The following ERBB4 variants were observed in gnomAD, a reference collection of about 807,000 sequenced individuals.
ERBB4 encodes receptor tyrosine-protein kinase erbB-4.
A neutral mutation model predicts 158.0 loss-of-function variants in ERBB4; 42 were observed. That is an observed-to-expected ratio of 0.27 (90% CI 0.21 to 0.34). The LOEUF is 0.34. Among genes scored for constraint, ERBB4 ranks in the 10% least tolerant of loss-of-function variants. ERBB4 has a pLI of 1.00. For missense variants in ERBB4, 1,333 were observed against 1,624.1 expected (o/e 0.82, Z 3.08); for synonymous variants, 583 against 558.7 (o/e 1.04, Z -0.61).
intron 1 of ERBB4, among the ~76,000 whole-genome samples, chr2:212,392,981 G>T (rs2090922172): frequency 1.3e-5 from 2 of 151,918 alleles, no homozygotes; most frequent in African/African-American, 4.8e-5. Flanking sequence ...AGGTCTTCTA[G>T]GACTGACAGA....
chr2:211,802,790 T>C (rs1024509478), intron 3 of ERBB4, among the ~76,000 whole-genome samples: 8 of 152,124 alleles, frequency 5.3e-5, no homozygotes, highest in African/African-American at 1.9e-4. Flanking sequence ...CAGGTGTAAT[T>C]AATTAGCTAA....
chr2:211,463,733 G>C (rs182834447), intron 20 of ERBB4, among the ~76,000 whole-genome samples: 29 of 152,176 alleles, frequency 1.9e-4, no homozygotes, highest in Non-Finnish European at 3.4e-4. Context: ...GCCTTTCCAG[G>C]AAGTTGAAGA....
intron 2 of ERBB4, among the ~76,000 whole-genome samples, chr2:211,968,908 C>A (rs1471028753): frequency 6.6e-6 from 1 of 151,944 alleles, no homozygotes; most frequent in Admixed American, 6.6e-5. Context: ...AATATCATTA[C>A]AACCCATTGA....
intron 19 of ERBB4, among the ~76,000 whole-genome samples, chr2:211,572,422 T>C (rs1422198927): frequency 6.6e-6 from 1 of 152,192 alleles, no homozygotes; most frequent in East Asian, 1.9e-4. Context: ...TTTCTACCAA[T>C]ACTCACCCTG....
chr2:212,262,116 C>T (rs2084967379), intron 1 of ERBB4, among the ~76,000 whole-genome samples: 1 of 152,024 alleles, frequency 6.6e-6, no homozygotes, highest in Non-Finnish European at 1.5e-5. Context: ...ACTCTGACCA[C>T]CTCTTTACAT....
intron 20 of ERBB4, among the ~76,000 whole-genome samples, chr2:211,526,087 G>A (rs2066340424): frequency 6.6e-6 from 1 of 152,010 alleles, no homozygotes; most frequent in South Asian, 2.1e-4. Flanking sequence ...AGAGTCCTAG[G>A]GCCTGGAGCG....
At chr2:211,935,043 C>G (rs1383371378) in intron 3 of ERBB4, among the ~76,000 whole-genome samples, 1 of 151,736 alleles carries the variant, frequency 6.6e-6, no homozygotes, top group African/African-American at 2.4e-5. Flanking sequence ...TCATGTGATC[C>G]CCTTTCTTCT....
chr2:212,273,817 G>C (rs2085428358), intron 1 of ERBB4, among the ~76,000 whole-genome samples: 1 of 151,734 alleles, frequency 6.6e-6, no homozygotes, highest in Admixed American at 6.6e-5. Flanking sequence ...CATGAAAAAG[G>C]TTCACTCACT....
chr2:212,466,598 A>G (rs1321478472), intron 1 of ERBB4, among the ~76,000 whole-genome samples: 1 of 152,218 alleles, frequency 6.6e-6, no homozygotes, highest in Non-Finnish European at 1.5e-5. Context: ...GCCTTCTGCC[A>G]TGATTGTGAG....
At chr2:212,513,769 G>A (rs1328933984) in intron 1 of ERBB4, among the ~76,000 whole-genome samples, 6 of 152,004 alleles carry the variant, frequency 3.9e-5, no homozygotes, top group African/African-American at 1.2e-4. Context: ...CCAAGATCCC[G>A]CCACTGCACT....
At chr2:211,942,885 T>C (rs187309814) in intron 3 of ERBB4, among the ~76,000 whole-genome samples, 3 of 152,264 alleles carry the variant, frequency 2.0e-5, no homozygotes, top group Admixed American at 2.0e-4. Context: ...TGTAGTGTGA[T>C]AAATATAGGT....
chr2:212,073,994 A>G (rs1294242862), intron 2 of ERBB4, among the ~76,000 whole-genome samples: 2 of 152,166 alleles, frequency 1.3e-5, no homozygotes, highest in South Asian at 2.1e-4. Flanking sequence ...CACATTCTCA[A>G]CTTGTGAGCA....
intron 1 of ERBB4, among the ~76,000 whole-genome samples, chr2:212,392,134 A>AT (rs1182203338): frequency 2.0e-5 from 3 of 151,754 alleles, no homozygotes; most frequent in South Asian, 2.1e-4. Flanking sequence ...TACATCAATG[A>AT]TAAAAAAGGA....
At chr2:211,878,968 G>T (rs887454178) in intron 3 of ERBB4, among the ~76,000 whole-genome samples, 1 of 152,064 alleles carries the variant, frequency 6.6e-6, no homozygotes, top group Non-Finnish European at 1.5e-5. Flanking sequence ...ACTCTCCTAG[G>T]TGCTTTTACA....
intron 3 of ERBB4, among the ~76,000 whole-genome samples, chr2:211,821,942 T>G (rs77431063): frequency 0.046 from 6,945 of 152,060 alleles, 271 homozygotes; most frequent in Middle Eastern, 0.068. Flanking sequence ...GACATTGTTT[T>G]GGGAAAAGAT....
At chr2:211,621,875 C>A (rs1036444515) in intron 18 of ERBB4, among the ~76,000 whole-genome samples, 4 of 151,968 alleles carry the variant, frequency 2.6e-5, no homozygotes, top group African/African-American at 9.7e-5. Context: ...AGGCAGGAAG[C>A]CCTAATATTT....
intron 3 of ERBB4, among the ~76,000 whole-genome samples, chr2:211,877,252 A>G (rs994669657): frequency 2.1e-4 from 32 of 152,308 alleles, no homozygotes; most frequent in Admixed American, 1.6e-3. Context: ...ACTATGGCAG[A>G]ATTTATGTGC....
intron 20 of ERBB4, among the ~76,000 whole-genome samples, chr2:211,477,519 G>C (rs934492048): frequency 6.6e-6 from 1 of 152,138 alleles, no homozygotes; most frequent in Non-Finnish European, 1.5e-5. Flanking sequence ...AAAGGAAAGA[G>C]AATGGAAAGG....
intron 19 of ERBB4, among the ~76,000 whole-genome samples, chr2:211,611,346 T>C (rs974195290): frequency 5.5e-5 from 8 of 146,084 alleles, no homozygotes; most frequent in Non-Finnish European, 1.2e-4. Flanking sequence ...CATAAGGGGA[T>C]ATAAGCATAA....
Sources: gnomAD v4.1 joint callset for allele counts (sites outside exome capture counted in the v4.1 genomes callset) on GRCh38, gnomAD v4.1.1 for gene constraint, MANE v1.5 for transcripts, NCBI Gene and HGNC (gene_info 2026-07-23, HGNC 2026-07-21) for gene names.